Variants in SRI observed in about 807,000 individuals in gnomAD.
The protein encoded by SRI is sorcin, also known as 22 kDa protein.
A neutral mutation model predicts 33.3 loss-of-function variants in SRI; 30 were observed. The ratio of observed to expected loss-of-function variants is 0.90; its 90% confidence interval spans 0.67 to 1.22. The LOEUF is 1.22. Among genes scored for constraint, SRI ranks in the 50% most tolerant of loss-of-function variants. The pLI, the probability that SRI is intolerant of heterozygous loss-of-function variation, is 0.00. For missense variants in SRI, 243 were observed against 250.8 expected (o/e 0.97, Z 0.21); for synonymous variants, 75 against 89.9 (o/e 0.83, Z 0.94).
chr7:88,213,551 T>C (rs1324098941), intron 3 of SRI, among the ~76,000 whole-genome samples: 3 of 152,184 alleles, frequency 2.0e-5, no homozygotes, highest in African/African-American at 4.8e-5. Flanking sequence ...AAAACTTTCC[T>C]GACTCCTGTC....
In SRI at chr7:88,220,014, C is replaced by T. The variant is rs1398853373; in HGVS notation, c.13G>A (p.Gly5Arg). MAYPGHPGAGGGYYP... is the reference protein window; with the variant it reads MAYPRHPGAGGGYYP... ...TACCCGCCGCCGGCGCCAGGATGCC[C>T]CGGGTACGCCATGCTGCAGACTGCG... is the stretch of plus-strand genomic sequence containing the variant. Residue 5 changes from glycine to arginine, a missense_variant, in exon 1 of 8, where the codon GGG (glycine) becomes AGG (arginine). Transcript: ENST00000265729. 1 of 1,533,724 alleles carries T rather than the reference C, an allele frequency of 6.5e-7. No individual in the cohort carries two copies. The highest frequency in any genetic ancestry group is 1.2e-5 in the South Asian group (1 of 83,282).
chr7:88,218,836 T>C, intron 2 of SRI, 23 bp downstream of exon 2: 1 of 1,611,732 alleles, frequency 6.2e-7, no homozygotes, highest in Non-Finnish European at 8.5e-7. Context: ...AACGGCTCTT[T>C]AATATTAAAG....
At chr7:88,223,218 A>G (rs1369094435), upstream of SRI, among the ~76,000 whole-genome samples, 1 of 152,268 alleles carries the variant, frequency 6.6e-6, no homozygotes, top group African/African-American at 2.4e-5. Context: ...GCAACTTATA[A>G]TACCATCAGA....
chr7:88,209,867 T>TA, intron 5 of SRI, 116 bp downstream of exon 5: 2 of 1,386,132 alleles, frequency 1.4e-6, no homozygotes, highest in Non-Finnish European at 2.0e-6. Flanking sequence ...CCACCCTCCT[T>TA]GGCCTCCCAA....
rs1482386069 is a variant in SRI, at chr7:88,219,974, A to T, written c.51+2T>A. 1 of 1,538,520 alleles carries T rather than the reference A, an allele frequency of 6.5e-7. No homozygotes were observed. Among genetic ancestry groups the T allele is most frequent in the Non-Finnish European group, 8.7e-7 (1 of 1,145,864 alleles). On this transcript the variant is annotated splice_donor_variant, in intron 1 of 7. Coordinates refer to ENST00000265729, the MANE Select transcript of SRI (RefSeq NM_003130.4). LOFTEE classifies it high-confidence loss of function. Reference sequence around the variant, plus strand: ...CCGCGATCCCGCGCAGTCAGCACTTACCCCGCCTGGGTAGTACCCGCCGCC... The same window carrying T: ...CCGCGATCCCGCGCAGTCAGCACTTTCCCCGCCTGGGTAGTACCCGCCGCC...
At chr7:88,208,766 A>C (rs1335358613) in intron 6 of SRI, 4 of 749,232 alleles carry the variant, frequency 5.3e-6, no homozygotes, top group Non-Finnish European at 8.2e-6. Flanking sequence ...AACAGGCAGA[A>C]GTTGGCCAGC....
Position 88,209,369 on chromosome 7 carries a change from C to A in SRI, c.481G>T (p.Ala161Ser). The A allele has an allele frequency of 6.2e-7, 1 of 1,613,898 alleles. No homozygotes were observed. The highest frequency in any genetic ancestry group is 8.5e-7 in the Non-Finnish European group (1 of 1,179,884). ...NGKITFDDYI[A>S]CCVKLRALTD... is the part of the protein sequence containing the mutation. ...AGAGCCCTCAGTTTGACGCAGCAGGCGATGTAGTCGTCGAAGGTGATCTTT... is the reference window on the plus strand; with the variant it reads ...AGAGCCCTCAGTTTGACGCAGCAGGAGATGTAGTCGTCGAAGGTGATCTTT... The change falls in exon 6 of 8, where the codon GCC becomes TCC. Residue 161 changes from alanine (A) to serine (S), a missense_variant. Transcript: ENST00000265729.
At position 88,206,332 on chromosome 7, in the gene SRI, C is replaced by T; in HGVS notation, c.*146G>A. 1.1e-6 allele frequency: 1 copy of T among 923,158 alleles called. No homozygotes were observed. Among genetic ancestry groups the T allele is most frequent in the East Asian group, 2.5e-5 (1 of 40,444 alleles). The allele number at this position is 923,158 out of a possible 1,614,324, so 57.2% of individuals were successfully genotyped here. A position where few individuals can be genotyped will look rare whatever the true frequency, so the allele number is the denominator to read the frequency against. ...TATTATCAAAACTAAAACAAAACTT[C>T]AGTTGTACATAAAGTAATAAACTTT... On this transcript the variant is annotated 3_prime_UTR_variant, in exon 8 of 8. Transcript: ENST00000265729.
upstream of SRI, chr7:88,220,163 A>G (rs1026578210): frequency 3.0e-6 from 4 of 1,321,856 alleles, no homozygotes; most frequent in Admixed American, 8.4e-5. Context: ...AGTCGTCTCC[A>G]GCTCTTGCCT....
At chr7:88,209,075 T>G in intron 6 of SRI, 1 of 315,344 alleles carries the variant, frequency 3.2e-6, no homozygotes, top group South Asian at 5.1e-5. Flanking sequence ...TGATCAAAAA[T>G]GCACAAGTTA....
chr7:88,207,546 G>A (rs1266300557), intron 7 of SRI: 5 of 152,092 alleles, frequency 3.3e-5, no homozygotes, highest in Non-Finnish European at 7.4e-5. Flanking sequence ...CAATGGCTGA[G>A]CAAAAACTGA....
intron 1 of SRI, 76 bp downstream of exon 1, chr7:88,219,900 G>T: frequency 6.7e-7 from 1 of 1,499,902 alleles, no homozygotes; most frequent in South Asian, 1.2e-5. Flanking sequence ...TCACCCCGCT[G>T]GCCGCAGCAT....
At chr7:88,223,646 T>C (rs1039579906), upstream of SRI, among the ~76,000 whole-genome samples, 9 of 152,212 alleles carry the variant, frequency 5.9e-5, no homozygotes, top group African/African-American at 2.2e-4. Flanking sequence ...AAATTTGAAT[T>C]TCATATGACA....
intron 7 of SRI, 141 bp downstream of exon 7, chr7:88,208,363 GGAT>G: frequency 1.4e-6 from 2 of 1,419,246 alleles, no homozygotes; most frequent in East Asian, 2.5e-5. Context: ...AATAAATTCT[GGAT>G]GATAACTCTT....
At chr7:88,221,363 G>A (rs1851883954), upstream of SRI, among the ~76,000 whole-genome samples, 1 of 152,180 alleles carries the variant, frequency 6.6e-6, no homozygotes. Flanking sequence ...ACTGCATGTT[G>A]CCTGTTTTGT....
upstream of SRI, among the ~76,000 whole-genome samples, chr7:88,222,836 T>C (rs1046204296): frequency 1.9e-4 from 29 of 152,196 alleles, no homozygotes; most frequent in South Asian, 6.2e-4. Context: ...TTACACCTTA[T>C]ACAAAAATCA....
At chr7:88,218,837 A>C (rs769774502) in intron 2 of SRI, 22 bp downstream of exon 2, 2 of 1,611,182 alleles carry the variant, frequency 1.2e-6, no homozygotes, top group Non-Finnish European at 1.7e-6. Flanking sequence ...ACGGCTCTTT[A>C]ATATTAAAGG....
chr7:88,219,504 GT>G, intron 1 of SRI: 1 of 191,256 alleles, frequency 5.2e-6, no homozygotes, highest in Non-Finnish European at 1.1e-5. Flanking sequence ...ACTTCAGCAG[GT>G]TTTCCCTTTT....
At chr7:88,220,098 G>T, upstream of SRI, 4 of 1,440,954 alleles carry the variant, frequency 2.8e-6, no homozygotes, top group Non-Finnish European at 3.6e-6. Context: ...GCCCCGCCCT[G>T]CCGCTAGGGG....
Sources: allele counts gnomAD v4.1 joint callset (sites outside exome capture counted in the v4.1 genomes callset), GRCh38; gene constraint gnomAD v4.1.1; transcripts MANE v1.5; gene names NCBI Gene and HGNC (gene_info 2026-07-23, HGNC 2026-07-21).